ZBTB34: variants seen among roughly 807,000 people sequenced by gnomAD.
ZBTB34 encodes zinc finger and BTB domain containing 34.
In ZBTB34, 1 loss-of-function variant was observed where a neutral mutation model predicts 33.4. The ratio of observed to expected loss-of-function variants is 0.03; its 90% CI spans 0.01 to 0.14. The LOEUF (loss-of-function observed/expected upper bound fraction) is 0.14, where lower values mean the gene tolerates loss of function less well. Among genes scored for constraint, ZBTB34 ranks in the 10% least tolerant of loss-of-function variants. The pLI is 1.00. For synonymous variants in ZBTB34, 283 were observed against 253.5 expected, an observed-to-expected ratio of 1.12 and a Z score of -1.11; for missense variants, 406 against 657.2, an observed-to-expected ratio of 0.62 and a Z score of 4.18.
intron 1 of ZBTB34, among the ~76,000 whole-genome samples, chr9:126,867,027 T>G (rs1426172952): frequency 6.6e-6 from 1 of 151,848 alleles, no homozygotes; most frequent in Non-Finnish European, 1.5e-5. Flanking sequence ...TTAGCACTCC[T>G]TCCATATCAA....
Position 126,880,626 on chromosome 9 carries a change from T to C in ZBTB34, c.1227T>C (p.Cys409=). ...TCACCCCCTTTGTGTGCAAGTTCTG[T>C]GGGAAGAAGTACACACGGAAGGACC... Residue 409 remains cysteine, a synonymous_variant, in exon 2 of 2, where the codon TGT becomes TGC. Transcript: ENST00000319119. This position sits in a 1 kb window ranked among gnomAD's most constrained non-coding sequence, Gnocchi z 6.7. 4.3e-6 allele frequency: 7 copies of C among 1,613,756 alleles called. No homozygotes were observed. The highest frequency in any genetic ancestry group is 5.9e-6 in the Non-Finnish European group (7 of 1,179,870).
intron 1 of ZBTB34, among the ~76,000 whole-genome samples, chr9:126,868,353 G>C (rs1261344252): frequency 6.6e-6 from 1 of 152,044 alleles, no homozygotes; most frequent in Non-Finnish European, 1.5e-5. Flanking sequence ...TCTTTTCAGC[G>C]CATCCATGCC....
intron 1 of ZBTB34, among the ~76,000 whole-genome samples, chr9:126,877,133 C>T (rs1009232773): frequency 1.3e-5 from 2 of 152,140 alleles, no homozygotes; most frequent in Non-Finnish European, 2.9e-5. Context: ...ATGATAAAAA[C>T]TCTTAAGGCA....
chr9:126,872,781 G>T (rs1437858876), intron 1 of ZBTB34, among the ~76,000 whole-genome samples: 4 of 152,170 alleles, frequency 2.6e-5, no homozygotes, highest in African/African-American at 9.7e-5. Flanking sequence ...CTCTAGGGGG[G>T]AATCTTTGAA....
intron 1 of ZBTB34, among the ~76,000 whole-genome samples, chr9:126,878,886 G>A (rs2033398145): frequency 6.6e-6 from 1 of 151,912 alleles, no homozygotes; most frequent in Admixed American, 6.6e-5. Context: ...ACCACACCAG[G>A]CTAATTTTTG....
At chr9:126,883,130 A>G (rs1186934238) in exon 2 of ZBTB34, 1 of 166,454 alleles carries the variant, frequency 6.0e-6, no homozygotes, top group African/African-American at 2.4e-5. Flanking sequence ...ACCCACTTAA[A>G]TATGTTCTGG....
At chr9:126,877,496 A>G (rs1432417291) in intron 1 of ZBTB34, among the ~76,000 whole-genome samples, 2 of 152,284 alleles carry the variant, frequency 1.3e-5, no homozygotes, top group African/African-American at 2.4e-5. Flanking sequence ...TTAAAATATA[A>G]TTGTTAGATC....
intron 1 of ZBTB34, among the ~76,000 whole-genome samples, chr9:126,868,209 G>A (rs1297998840): frequency 6.6e-6 from 1 of 152,148 alleles, no homozygotes; most frequent in South Asian, 2.1e-4. Context: ...TTGTTGCAGA[G>A]CAGCCTCTTG....
rs1013927377 is a variant in ZBTB34 at position 126,879,495 on chromosome 9, G to A, written c.96G>A (p.Gln32=). 1 of 1,613,918 alleles carries A rather than the reference G, an allele frequency of 6.2e-7. No homozygotes were observed. ...GCCAGCTAAACGAACTCCGCCTGCA[G>A]GGGAAACTATGTGACATCATTGTAC... Residue 32 remains glutamine, a synonymous_variant, in exon 2 of 2, where the codon CAG becomes CAA. Transcript: ENST00000319119. This position sits in a 1 kb window ranked among gnomAD's most constrained non-coding sequence, Gnocchi z 6.4.
chr9:126,884,769 G>A (rs2033498077), exon 2 of ZBTB34: 1 of 166,972 alleles, frequency 6.0e-6, no homozygotes, highest in Admixed American at 6.5e-5. Context: ...ATGTGAATGA[G>A]CTTTACTTTA....
chr9:126,879,447 C>T lies in ZBTB34; in HGVS notation c.48C>T (p.Pro16=), dbSNP rs375316162. 105 of 1,613,674 alleles carry T rather than the reference C, an allele frequency of 6.5e-5. No individual in the cohort carries two copies. Among genetic ancestry groups the T allele is most frequent in the African/African-American group, 8.0e-5 (6 of 75,018 alleles). Residue 16 remains proline (P), a synonymous_variant, in exon 2 of 2, where the codon CCC becomes CCT. Coordinates refer to ENST00000319119, the Ensembl canonical transcript of ZBTB34. This position sits in a 1 kb window ranked among gnomAD's most constrained non-coding sequence, Gnocchi z 6.4. ...GCAGTTTTATTCAGTTTGATGTGCC[C>T]GAGTACAGCAGCACCGTTCTGAGCC...
At chr9:126,872,812 G>A (rs2033298122) in intron 1 of ZBTB34, among the ~76,000 whole-genome samples, 1 of 152,212 alleles carries the variant, frequency 6.6e-6, no homozygotes, top group African/African-American at 2.4e-5. Flanking sequence ...ACTGTGGAAA[G>A]GAAGTGTTAA....
intron 1 of ZBTB34, among the ~76,000 whole-genome samples, chr9:126,869,269 G>A (rs1213563563): frequency 6.8e-6 from 1 of 146,460 alleles, no homozygotes; most frequent in Non-Finnish European, 1.5e-5. Context: ...CAGCTCGCTA[G>A]GGATAAGGGG....
chr9:126,873,623 G>A (rs1031896012), intron 1 of ZBTB34, among the ~76,000 whole-genome samples: 1 of 151,370 alleles, frequency 6.6e-6, no homozygotes, highest in African/African-American at 2.4e-5. Context: ...TTCTTTTTTT[G>A]AGACGGAGTC....
intron 1 of ZBTB34, among the ~76,000 whole-genome samples, chr9:126,872,437 A>G (rs971209782): frequency 5.9e-5 from 9 of 152,178 alleles, no homozygotes; most frequent in African/African-American, 2.2e-4. Context: ...TTCAAAATTG[A>G]TCTAACTTAG....
intron 1 of ZBTB34, among the ~76,000 whole-genome samples, chr9:126,869,403 G>A (rs1272082833): frequency 6.6e-6 from 1 of 152,032 alleles, no homozygotes; most frequent in Non-Finnish European, 1.5e-5. Context: ...GGCAGGTTGG[G>A]AGGATTCAGA....
intron 1 of ZBTB34, among the ~76,000 whole-genome samples, chr9:126,869,917 A>T (rs942849124): frequency 6.6e-6 from 1 of 152,214 alleles, no homozygotes; most frequent in Non-Finnish European, 1.5e-5. Context: ...ATCCATGTGT[A>T]TTTTTTAAAA....
chr9:126,869,609 G>A (rs1276289034), intron 1 of ZBTB34, among the ~76,000 whole-genome samples: 2 of 152,172 alleles, frequency 1.3e-5, no homozygotes, highest in East Asian at 3.9e-4. Context: ...GTGCCTGGAA[G>A]TAGGAGAATG....
At chr9:126,876,161 TCCTTCCCC>T (rs2033354822) in intron 1 of ZBTB34, among the ~76,000 whole-genome samples, 8 of 5,944 alleles carry the variant, frequency 1.3e-3, no homozygotes, top group South Asian at 0.013. Flanking sequence ...TTCCCTTCCG[TCCTTCCCC>T]CCTTCCCCCC....
Sources: allele counts gnomAD v4.1 joint callset (sites outside exome capture counted in the v4.1 genomes callset), GRCh38; gene constraint gnomAD v4.1.1; non-coding constraint Gnocchi (gnomAD v3.1); transcripts MANE v1.5; gene names NCBI Gene and HGNC (gene_info 2026-07-23, HGNC 2026-07-21).